Variants in MAGI1 observed in about 807,000 individuals in gnomAD.
The protein encoded by MAGI1 is membrane-associated guanylate kinase, WW and PDZ domain-containing protein 1.
A neutral mutation model predicts 139.9 loss-of-function variants in MAGI1; 58 were observed. That is an observed-to-expected ratio of 0.41 (90% CI 0.34 to 0.52). The LOEUF (loss-of-function observed/expected upper bound fraction) is 0.52. Ranked by LOEUF, MAGI1 falls within the 20% of genes least tolerant of loss-of-function variation. The pLI is 0.12. For missense variants in MAGI1, 1,874 were observed against 1,901.6 expected (o/e 0.99, Z 0.27); for synonymous variants, 812 against 737.9 (o/e 1.10, Z -1.63).
rs2069043224 is a variant in MAGI1, at chr3:66,038,072, G to A, written c.237C>T (p.Ser79=). 1.9e-6 allele frequency: 3 copies of A among 1,612,698 alleles called. No homozygotes were observed. The highest frequency in any genetic ancestry group is 3.3e-5 in the Admixed American group (2 of 59,934). The change falls in exon 1 of 23, where the codon TCC becomes TCT. Residue 79 remains serine, a synonymous_variant. Transcript: ENST00000402939. Reference sequence around the variant, plus strand: ...CCAGCACGTCATAGCGGGGCAAGCCGGACACCCGGACCCCCTGCACCTCCA... The same window carrying A: ...CCAGCACGTCATAGCGGGGCAAGCCAGACACCCGGACCCCCTGCACCTCCA... The part of the protein sequence containing the change: ...LLLEVQGVRV[S]GLPRYDVLGV...
Position 65,398,077 on chromosome 3 carries a change from G to A in MAGI1, c.2199+3362C>T, listed in dbSNP as rs1944535029. Among the ~76,000 whole-genome samples, 3 of 152,028 alleles carry A rather than the reference G, an allele frequency of 2.0e-5. No individual in the cohort carries two copies. The South Asian group carries it at 6.2e-4, about 31-fold the overall frequency. ...GTTTGCAAACTGCAAGAAGAGAGGTGCCATGACCACCTTATTTATTATAGT... is the reference window on the plus strand; with the variant it reads ...GTTTGCAAACTGCAAGAAGAGAGGTACCATGACCACCTTATTTATTATAGT... On this transcript the variant is annotated intron_variant, in intron 13 of 22. Coordinates refer to ENST00000402939, the MANE Select transcript of MAGI1 (RefSeq NM_001033057.2).
At chr3:65,916,802 T>TACAC (rs919515937) in intron 1 of MAGI1, among the ~76,000 whole-genome samples, 6 of 150,228 alleles carry the variant, frequency 4.0e-5, no homozygotes, top group African/African-American at 9.8e-5. Context: ...CACACACACA[T>TACAC]ACACACACAC....
At chr3:65,653,677 C>A (rs2085710255) in intron 1 of MAGI1, among the ~76,000 whole-genome samples, 1 of 152,174 alleles carries the variant, frequency 6.6e-6, no homozygotes, top group Non-Finnish European at 1.5e-5. Flanking sequence ...CTCTAAGTTT[C>A]TCTTTGCATT....
rs184500439 is a variant in MAGI1 at position 65,486,482 on chromosome 3, A to G, written c.550+7030T>C. On this transcript the variant is annotated intron_variant, in intron 3 of 22. Transcript: ENST00000402939. Reference sequence around the variant, plus strand: ...CTTGCAGAGCAAAAATGTCAACAGAAAAAAAAAGAAAAGCAAGGGAAAAGG... The same window carrying G: ...CTTGCAGAGCAAAAATGTCAACAGAGAAAAAAAGAAAAGCAAGGGAAAAGG... 3.1e-4 allele frequency among the ~76,000 whole-genome samples: 47 copies of G among 152,242 alleles called. No homozygotes were observed. In the East Asian group the frequency reaches 7.9e-3, roughly 26 times the overall value.
intron 3 of MAGI1, among the ~76,000 whole-genome samples, chr3:65,483,668 G>T (rs142388500): frequency 1.8e-3 from 269 of 152,266 alleles, no homozygotes; most frequent in Middle Eastern, 6.8e-3. Flanking sequence ...GCAGTGGCTG[G>T]GCTCCCTCCC....
intron 7 of MAGI1, 36 bp downstream of exon 7, chr3:65,447,986 C>A (rs765841696): frequency 6.2e-7 from 1 of 1,612,864 alleles, no homozygotes; most frequent in Non-Finnish European, 8.5e-7. Context: ...ATGTCATGCA[C>A]GTGTCATGCA....
At chr3:65,825,831 T>C (rs1461716318) in intron 1 of MAGI1, among the ~76,000 whole-genome samples, 2 of 151,804 alleles carry the variant, frequency 1.3e-5, no homozygotes. Context: ...CCACTAAAAA[T>C]ATAAAAATTA....
chr3:65,368,993 C>T (rs1941712947), intron 18 of MAGI1, among the ~76,000 whole-genome samples: 1 of 152,188 alleles, frequency 6.6e-6, no homozygotes, highest in Admixed American at 6.5e-5. Flanking sequence ...CCATACAATG[C>T]AAATGTTGTT....
intron 2 of MAGI1, among the ~76,000 whole-genome samples, chr3:65,538,799 A>T (rs1056730078): frequency 6.6e-6 from 1 of 152,138 alleles, no homozygotes; most frequent in Non-Finnish European, 1.5e-5. Flanking sequence ...TCTTTTATTA[A>T]CTAAGACAAA....
intron 21 of MAGI1, among the ~76,000 whole-genome samples, chr3:65,362,130 G>C (rs1940925917): frequency 1.3e-5 from 2 of 152,148 alleles, no homozygotes; most frequent in Non-Finnish European, 2.9e-5. Context: ...TTTGGTAACT[G>C]ATTTGCTCCC....
intron 18 of MAGI1, among the ~76,000 whole-genome samples, chr3:65,365,716 C>T (rs1941356963): frequency 6.6e-6 from 1 of 152,166 alleles, no homozygotes; most frequent in Non-Finnish European, 1.5e-5. Context: ...TTATAAGATT[C>T]ACCTGTGCAT....
At chr3:65,621,056 T>C (rs2083642835) in intron 2 of MAGI1, among the ~76,000 whole-genome samples, 1 of 152,102 alleles carries the variant, frequency 6.6e-6, no homozygotes, top group South Asian at 2.1e-4. Flanking sequence ...AAACAAATCA[T>C]AGAAATAAAC....
intron 2 of MAGI1, among the ~76,000 whole-genome samples, chr3:65,573,945 A>G (rs1277338421): frequency 6.6e-6 from 1 of 151,966 alleles, no homozygotes; most frequent in Non-Finnish European, 1.5e-5. Context: ...CTCAACTACC[A>G]TGGGCAGTTG....
chr3:65,375,708 A>AG (rs1942455473), intron 18 of MAGI1, 37 bp downstream of exon 18: 16 of 1,375,296 alleles, frequency 1.2e-5, no homozygotes, highest in Non-Finnish European at 1.6e-5. Context: ...GAGAGAGAAA[A>AG]AGAGAGAGAG....
chr3:65,888,967 ATGTG>A (rs2060635810), intron 1 of MAGI1, among the ~76,000 whole-genome samples: 1 of 152,220 alleles, frequency 6.6e-6, no homozygotes, highest in African/African-American at 2.4e-5. Flanking sequence ...ATATTTATAT[ATGTG>A]TGTATGTATA....
At chr3:65,756,104 G>T (rs142704375) in intron 1 of MAGI1, among the ~76,000 whole-genome samples, 293 of 152,272 alleles carry the variant, frequency 1.9e-3, no homozygotes, top group African/African-American at 6.5e-3. Context: ...TCGTGTCGGG[G>T]CTTATAGACT....
chr3:65,884,477 G>C (rs183044434), intron 1 of MAGI1, among the ~76,000 whole-genome samples: 2 of 152,272 alleles, frequency 1.3e-5, no homozygotes, highest in East Asian at 1.9e-4. Flanking sequence ...GCATCAAAAT[G>C]TGAGATAAAA....
In MAGI1 at chr3:66,016,070, A is replaced by G. The variant is rs572844483; in HGVS notation, c.313+21926T>C. ...GTAGTGGTGCCAGGAAAGAAGATAAAAACCCAGAGTGTTAAAACAGAAGTG... is the reference window on the plus strand; with the variant it reads ...GTAGTGGTGCCAGGAAAGAAGATAAGAACCCAGAGTGTTAAAACAGAAGTG... On this transcript the variant is annotated intron_variant, in intron 1 of 22. Coordinates refer to ENST00000402939, the MANE Select transcript of MAGI1 (RefSeq NM_001033057.2). Among the ~76,000 whole-genome samples, 60 of 152,346 alleles carry G rather than the reference A, an allele frequency of 3.9e-4. 1 individual carries two copies. In the South Asian group the frequency reaches 5.0e-3, roughly 13 times the overall value.
chr3:65,669,396 C>A (rs931244829), intron 1 of MAGI1, among the ~76,000 whole-genome samples: 5 of 152,242 alleles, frequency 3.3e-5, no homozygotes, highest in Admixed American at 1.3e-4. Flanking sequence ...ACTCTTTGGT[C>A]AAGTTTTCCC....
Sources: gnomAD v4.1 joint callset for allele counts (sites outside exome capture counted in the v4.1 genomes callset) on GRCh38, gnomAD v4.1.1 for gene constraint, MANE v1.5 for transcripts, NCBI Gene and HGNC (gene_info 2026-07-23, HGNC 2026-07-21) for gene names.